The following ROBO1 variants were observed in gnomAD, a reference collection of about 807,000 sequenced individuals.
The protein encoded by ROBO1 is roundabout guidance receptor 1, also known as roundabout homolog 1.
In ROBO1, 149 loss-of-function variants were observed where a neutral mutation model predicts 195.9. The ratio of observed to expected loss-of-function variants is 0.76; its 90% CI spans 0.67 to 0.87. The LOEUF (loss-of-function observed/expected upper bound fraction) is 0.87. Ranked by LOEUF, ROBO1 falls within the 40% of genes least tolerant of loss-of-function variation. ROBO1 has a pLI of 0.00. For synonymous variants in ROBO1, 816 were observed against 733.2 expected (o/e 1.11, Z -1.82); for missense variants, 1,933 against 2,068.3 (o/e 0.93, Z 1.27).
intron 3 of ROBO1, among the ~76,000 whole-genome samples, chr3:79,008,062 C>T (rs940108827): frequency 4.5e-4 from 69 of 152,200 alleles, no homozygotes; most frequent in African/African-American, 1.5e-3. Flanking sequence ...CAAGTTATCT[C>T]CATTATTTCT....
In ROBO1 at chr3:78,617,747, A is replaced by C. The variant is rs1704202074; in HGVS notation, c.4170T>G (p.Val1390=). Residue 1390 remains valine (V), a synonymous_variant, in exon 27 of 31, where the codon GTT becomes GTG. Transcript: ENST00000464233. ...TGAAAAAGGAGCCGTCCGAAGAACT[A>C]ACACTGGAGCGTCCGCTGGAAATGT... The part of the protein sequence containing the change: ...EDNISSGRSS[V]SSSDGSFFTD... 9 of 1,613,964 alleles carry C rather than the reference A, an allele frequency of 5.6e-6. No homozygotes were observed. Among genetic ancestry groups the C allele is most frequent in the Non-Finnish European group, 7.6e-6 (9 of 1,179,878 alleles).
chr3:79,591,365 C>T (rs1330902600), intron 1 of ROBO1, among the ~76,000 whole-genome samples: 2 of 151,744 alleles, frequency 1.3e-5, no homozygotes, highest in African/African-American at 4.8e-5. Context: ...CTAAGTTTCC[C>T]CTAGCAAAGC....
At chr3:79,006,796 T>C (rs1403726851) in intron 3 of ROBO1, among the ~76,000 whole-genome samples, 4 of 151,538 alleles carry the variant, frequency 2.6e-5, no homozygotes, top group Admixed American at 1.3e-4. Context: ...ATAAGTTTTA[T>C]TGTGAGACTG....
At chr3:79,457,428 T>C (rs1192619129) in intron 2 of ROBO1, among the ~76,000 whole-genome samples, 2 of 151,836 alleles carry the variant, frequency 1.3e-5, no homozygotes, top group East Asian at 1.9e-4. Flanking sequence ...TGGGAGTGCA[T>C]CGCTGAGTCA....
intron 3 of ROBO1, among the ~76,000 whole-genome samples, chr3:78,978,265 G>A (rs1237795544): frequency 2.6e-5 from 4 of 151,960 alleles, no homozygotes; most frequent in Non-Finnish European, 5.9e-5. Flanking sequence ...GGGGGATGGA[G>A]AAATGAAGAG....
chr3:79,366,422 C>A (rs753042135), intron 2 of ROBO1, among the ~76,000 whole-genome samples: 28 of 152,180 alleles, frequency 1.8e-4, no homozygotes, highest in Non-Finnish European at 3.8e-4. Flanking sequence ...CTCTTCACCT[C>A]TAACCCTGTT....
chr3:79,505,770 T>A (rs376968340), intron 2 of ROBO1, among the ~76,000 whole-genome samples: 34 of 152,206 alleles, frequency 2.2e-4, no homozygotes, highest in African/African-American at 7.0e-4. Flanking sequence ...GGTAGACTGT[T>A]GCAAGCAATG....
chr3:79,237,937 A>G (rs1054302266), intron 2 of ROBO1, among the ~76,000 whole-genome samples: 1 of 152,152 alleles, frequency 6.6e-6, no homozygotes, highest in Admixed American at 6.5e-5. Flanking sequence ...AACAGAGAAC[A>G]TGATAGAGTT....
chr3:79,306,051 C>T (rs2033203506), intron 2 of ROBO1, among the ~76,000 whole-genome samples: 1 of 152,022 alleles, frequency 6.6e-6, no homozygotes, highest in African/African-American at 2.4e-5. Flanking sequence ...GGATATAAAT[C>T]CGAGATAGTT....
chr3:79,497,726 T>C (rs1357410071), intron 2 of ROBO1, among the ~76,000 whole-genome samples: 1 of 152,204 alleles, frequency 6.6e-6, no homozygotes, highest in East Asian at 1.9e-4. Flanking sequence ...AATTATATTT[T>C]GGTGCTTTCA....
At chr3:79,029,364 T>C (rs780432378) in intron 3 of ROBO1, among the ~76,000 whole-genome samples, 2 of 152,148 alleles carry the variant, frequency 1.3e-5, no homozygotes, top group Non-Finnish European at 2.9e-5. Flanking sequence ...TTGAGATTAG[T>C]AATTTTGTCG....
intron 1 of ROBO1, among the ~76,000 whole-genome samples, chr3:79,653,298 A>T (rs1334536577): frequency 6.6e-6 from 1 of 151,914 alleles, no homozygotes; most frequent in Non-Finnish European, 1.5e-5. Flanking sequence ...TGTCAAATAT[A>T]ACTCTTGAAA....
chr3:78,907,384 T>A (rs372014793), intron 4 of ROBO1, among the ~76,000 whole-genome samples: 116 of 152,256 alleles, frequency 7.6e-4, no homozygotes, highest in Middle Eastern at 6.8e-3. Context: ...ACAAGTAATT[T>A]GCAGAAAGGT....
intron 2 of ROBO1, among the ~76,000 whole-genome samples, chr3:79,522,065 C>T (rs954881813): frequency 6.6e-6 from 1 of 152,152 alleles, no homozygotes; most frequent in Non-Finnish European, 1.5e-5. Flanking sequence ...AACAACAAAA[C>T]AGATTCAGTA....
At chr3:79,232,647 T>C (rs887150782) in intron 2 of ROBO1, among the ~76,000 whole-genome samples, 12 of 152,114 alleles carry the variant, frequency 7.9e-5, no homozygotes. Context: ...CATCCACAAA[T>C]GAAAGATTAT....
At chr3:79,554,022 T>C (rs1942614091) in intron 2 of ROBO1, among the ~76,000 whole-genome samples, 1 of 152,098 alleles carries the variant, frequency 6.6e-6, no homozygotes, top group South Asian at 2.1e-4. Flanking sequence ...TCTTTCGGCA[T>C]TTTGGGTATA....
chr3:79,744,283 G>C (rs1300007237), intron 1 of ROBO1, among the ~76,000 whole-genome samples: 1 of 152,142 alleles, frequency 6.6e-6, no homozygotes, highest in South Asian at 2.1e-4. Flanking sequence ...ATCATGGTTA[G>C]GGTGTGCATG....
chr3:79,667,553 T>A (rs1043324024), intron 1 of ROBO1, among the ~76,000 whole-genome samples: 2 of 151,882 alleles, frequency 1.3e-5, no homozygotes, highest in African/African-American at 4.8e-5. Context: ...AGTATCTTAA[T>A]ACTGTTTGAA....
At chr3:78,991,168 T>C (rs1330658875) in intron 3 of ROBO1, among the ~76,000 whole-genome samples, 1 of 152,074 alleles carries the variant, frequency 6.6e-6, no homozygotes, top group African/African-American at 2.4e-5. Flanking sequence ...GAAAACCCAC[T>C]GAAATAAATG....
Sources: gnomAD v4.1 joint callset for allele counts (sites outside exome capture counted in the v4.1 genomes callset) on GRCh38, gnomAD v4.1.1 for gene constraint, MANE v1.5 for transcripts, NCBI Gene and HGNC (gene_info 2026-07-23, HGNC 2026-07-21) for gene names.